The following UNC80 variants were observed in gnomAD, a reference collection of about 807,000 sequenced individuals.
The protein encoded by UNC80 is unc-80 subunit of NALCN channel complex, also known as protein unc-80 homolog.
In UNC80, 164 loss-of-function variants were observed where a neutral mutation model predicts 384.6. The observed-to-expected ratio is 0.43, with a 90% CI of 0.38 to 0.49. The LOEUF (loss-of-function observed/expected upper bound fraction) is 0.49. Among genes scored for constraint, UNC80 ranks in the 20% least tolerant of loss-of-function variants. The pLI is 0.00. For synonymous variants in UNC80, 1,486 were observed against 1,527.8 expected, an observed-to-expected ratio of 0.97 and a Z score of 0.64; for missense variants, 3,330 against 4,143.0, an observed-to-expected ratio of 0.80 and a Z score of 5.39.
intron 40 of UNC80, among the ~76,000 whole-genome samples, chr2:209,936,563 A>G (rs1232474783): frequency 1.3e-5 from 2 of 152,106 alleles, no homozygotes; most frequent in East Asian, 3.9e-4. Context: ...TCACATTATC[A>G]GTCTTTATCG....
At chr2:209,894,399 G>C (rs559762210) in intron 27 of UNC80, 33 bp downstream of exon 27, 43 of 978,724 alleles carry the variant, frequency 4.4e-5, no homozygotes, top group Admixed American at 6.2e-5. Context: ...GCAGGGACGT[G>C]GGGGGTAGGA....
chr2:209,970,085 C>CTGTGT, intron 53 of UNC80, 194 bp downstream of exon 53: 3 of 652,076 alleles, frequency 4.6e-6, no homozygotes, highest in Non-Finnish European at 7.5e-6. Context: ...CCCATCCCTA[C>CTGTGT]ACAGAAGGGA....
intron 17 of UNC80, 55 bp from the exon 18 acceptor site, chr2:209,834,857 A>C (rs2081234221): frequency 7.0e-7 from 1 of 1,422,104 alleles, no homozygotes. Flanking sequence ...TGTATGAAGT[A>C]TTAAGACTTG....
At chr2:209,923,576 A>G (rs769452766) in intron 35 of UNC80, among the ~76,000 whole-genome samples, 56 of 152,232 alleles carry the variant, frequency 3.7e-4, no homozygotes, top group Non-Finnish European at 5.3e-4. Context: ...CTGTATGTCA[A>G]TCCTTCTCTC....
intron 22 of UNC80, among the ~76,000 whole-genome samples, chr2:209,859,495 C>T (rs1280877127): frequency 6.6e-6 from 1 of 152,068 alleles, no homozygotes; most frequent in African/African-American, 2.4e-5. Context: ...AATAAATATA[C>T]GTGTGCATGT....
chr2:209,972,301 T>C lies in UNC80; in HGVS notation c.8357T>C (p.Leu2786Pro), dbSNP rs1448832077. ...MLLNLLIPFVLTVGSGSKDSP... is the reference protein window; with the variant it reads ...MLLNLLIPFVPTVGSGSKDSP... ...TTAAATCTGCTCATCCCATTTGTGC[T>C]CACAGTAGGATCTGGAAGCAAAGGT... The change falls in exon 55 of 65, where the codon CTC (leucine) becomes CCC (proline). Residue 2786 changes from leucine (L) to proline (P), a missense_variant. Physicochemically the swap from Leu to Pro is moderately conservative, Grantham distance 98. Around this residue, in one of 8 missense-constraint regions of UNC80, gnomAD observed 1,049 missense variants for 1,488.6 expected, o/e 0.70. Transcript: ENST00000673920. 6.4e-7 allele frequency: 1 copy of C among 1,551,614 alleles called. No individual in the cohort carries two copies. Among genetic ancestry groups the C allele is most frequent in the Non-Finnish European group, 8.7e-7 (1 of 1,146,862 alleles).
chr2:209,874,645 C>T (rs6707821), intron 23 of UNC80, among the ~76,000 whole-genome samples: 10,130 of 152,198 alleles, frequency 0.067, 1,118 homozygotes, highest in African/African-American at 0.23. Flanking sequence ...TCTCCTCCCT[C>T]GTCATAAACA....
chr2:209,977,053 A>C lies in UNC80; in HGVS notation c.8913A>C (p.Leu2971=), dbSNP rs754215063. ...IAEFNSELKI[L]KEAVHSGSAY... ...AGTTCAACAGTGAACTAAAAATTCT[A>C]AAAGAGGCAGTTCATAGTGGATCAG... is the stretch of plus-strand genomic sequence containing the variant. The change falls in exon 58 of 65, where the codon CTA becomes CTC. Residue 2971 remains leucine (L), a synonymous_variant. Coordinates refer to ENST00000673920, the MANE Select transcript of UNC80 (RefSeq NM_001371986.1). The C allele has an allele frequency of 2.8e-5, 42 of 1,521,186 alleles. No individual in the cohort carries two copies. The highest frequency in any genetic ancestry group is 3.7e-5 in the Non-Finnish European group (41 of 1,121,992). The allele number at this position is 1,521,186 out of a possible 1,614,324, so 94.2% of individuals were successfully genotyped here.
At chr2:209,957,230 G>A (rs1441340625) in intron 48 of UNC80, among the ~76,000 whole-genome samples, 1 of 152,100 alleles carries the variant, frequency 6.6e-6, no homozygotes, top group Non-Finnish European at 1.5e-5. Context: ...GTTGATAATG[G>A]TGTAGGTGGC....
rs531470030 is a variant in UNC80 at position 209,855,241 on chromosome 2, A to G, written c.3627+5618A>G. ...GTTCTCACTTATAAGTGGGAGCTGAACAATGAGAACACATGGACACATGGA... is the reference window on the plus strand; with the variant it reads ...GTTCTCACTTATAAGTGGGAGCTGAGCAATGAGAACACATGGACACATGGA... On this transcript the variant is annotated intron_variant, in intron 22 of 64. Coordinates refer to ENST00000673920, the MANE Select transcript of UNC80 (RefSeq NM_001371986.1). 2.9e-3 allele frequency among the ~76,000 whole-genome samples: 438 copies of G among 152,316 alleles called. 6 individuals carry two copies. Among genetic ancestry groups the G allele is most frequent in the Middle Eastern group, 0.014 (4 of 294 alleles).
chr2:209,871,522 C>T (rs888381457), intron 22 of UNC80, among the ~76,000 whole-genome samples: 1 of 152,094 alleles, frequency 6.6e-6, no homozygotes, highest in Non-Finnish European at 1.5e-5. Context: ...CTACTGCTTA[C>T]CATTATTAAA....
At chr2:209,864,052 T>C (rs2083533617) in intron 22 of UNC80, among the ~76,000 whole-genome samples, 2 of 151,938 alleles carry the variant, frequency 1.3e-5, no homozygotes, top group Admixed American at 1.3e-4. Flanking sequence ...ATGATGATGC[T>C]GTTGTTGTTG....
intron 21 of UNC80, among the ~76,000 whole-genome samples, chr2:209,847,427 G>T (rs1465478960): frequency 6.6e-6 from 1 of 151,744 alleles, no homozygotes; most frequent in Non-Finnish European, 1.5e-5. Context: ...TAAATACAAT[G>T]GAAAATGTCC....
chr2:209,867,808 T>C (rs1273987800), intron 22 of UNC80, among the ~76,000 whole-genome samples: 3 of 152,194 alleles, frequency 2.0e-5, no homozygotes, highest in Non-Finnish European at 4.4e-5. Context: ...TACTCTCCAG[T>C]TGTCTTCGAT....
chr2:209,824,420 A>G, intron 13 of UNC80, among the ~76,000 whole-genome samples: 1 of 152,192 alleles, frequency 6.6e-6, no homozygotes, highest in East Asian at 1.9e-4. Context: ...GCCTAAGCTA[A>G]TCACAGAGGG....
At chr2:209,802,267 C>T (rs1333846647) in intron 7 of UNC80, among the ~76,000 whole-genome samples, 1 of 151,978 alleles carries the variant, frequency 6.6e-6, no homozygotes, top group African/African-American at 2.4e-5. Flanking sequence ...AACAATAAAG[C>T]ATTGTTTATT....
At chr2:209,979,269 A>T (rs1426042306) in intron 59 of UNC80, among the ~76,000 whole-genome samples, 1 of 152,180 alleles carries the variant, frequency 6.6e-6, no homozygotes. Context: ...ACTCCTATCT[A>T]AAAACTCCTA....
At chr2:209,914,629 A>C (rs1192493954) in intron 31 of UNC80, among the ~76,000 whole-genome samples, 2 of 127,918 alleles carry the variant, frequency 1.6e-5, no homozygotes, top group Admixed American at 2.0e-4. Context: ...TAAGTTTCTC[A>C]GGAATCCTTC....
chr2:209,791,531 T>G (rs755739247), intron 6 of UNC80, among the ~76,000 whole-genome samples: 1 of 44,406 alleles, frequency 2.3e-5, no homozygotes, highest in Non-Finnish European at 8.7e-5. Context: ...GAATCTTCTC[T>G]TTCCTTCGTC....
Sources: gnomAD v4.1 joint callset for allele counts (sites outside exome capture counted in the v4.1 genomes callset) on GRCh38, gnomAD v4.1.1 for gene constraint, gnomAD v4.1.1 regional missense constraint, MANE v1.5 for transcripts, NCBI Gene and HGNC (gene_info 2026-07-23, HGNC 2026-07-21) for gene names.